The following LRP8 variants were observed in gnomAD, a reference collection of about 807,000 sequenced individuals.
LRP8 encodes low-density lipoprotein receptor-related protein 8.
A neutral mutation model predicts 111.6 loss-of-function variants in LRP8; 46 were observed. The observed-to-expected ratio is 0.41, with a 90% confidence interval of 0.33 to 0.53. The LOEUF (loss-of-function observed/expected upper bound fraction) is 0.53. Ranked by LOEUF, LRP8 falls within the 20% of genes least tolerant of loss-of-function variation. The probability of loss-of-function intolerance (pLI) is 0.20; values close to 1 mark genes in which losing one functional copy is unlikely to be tolerated. For synonymous variants in LRP8, 464 were observed against 511.2 expected (o/e 0.91, Z 1.24); for missense variants, 959 against 1,297.4 (o/e 0.74, Z 4.01).
chr1:53,327,298 G>A, intron 1 of LRP8: 1 of 346,922 alleles, frequency 2.9e-6, no homozygotes. Context: ...CTCAGATACA[G>A]CCCATAGGGA....
At chr1:53,258,768 C>T (rs528760374) in intron 13 of LRP8, among the ~76,000 whole-genome samples, 133 of 151,704 alleles carry the variant, frequency 8.8e-4, no homozygotes, top group African/African-American at 2.8e-3. Flanking sequence ...TCTCTAGCCC[C>T]GCTATTACCT....
rs1647026812 is a variant in LRP8 at position 53,279,127 on chromosome 1, G to A, written c.496+1460C>T. Among the ~76,000 whole-genome samples the A allele has an allele frequency of 6.6e-6, 1 of 152,012 alleles. No homozygotes were observed. Among genetic ancestry groups the A allele is most frequent in the Non-Finnish European group, 1.5e-5 (1 of 68,004 alleles). On this transcript the variant is annotated intron_variant, in intron 4 of 18. Transcript: ENST00000306052. The surrounding 1 kb of genome is among the most constrained non-coding windows in gnomAD (Gnocchi z 4.4). ...CTTCTTCATACTGAGTTTTCTCTGA[G>A]GTTTTGGAGCCAACAGTAACTTTAA...
chr1:53,326,907 A>C lies in LRP8; in HGVS notation c.210T>G (p.Asp70Glu), dbSNP rs1305040910. The change falls in exon 2 of 19, where the codon GAT becomes GAG. Residue 70 changes from aspartate (D) to glutamate (E), a missense_variant. This residue lies in a region of LRP8 where 97 missense variants were observed against 107.5 expected (regional missense o/e 0.90). Coordinates refer to ENST00000306052, the MANE Select transcript of LRP8 (RefSeq NM_004631.5). ...CCTCGTCGCTGTGGTCTAAGCAGTC[A>C]TCGTCCTCGTCGCATCTCCACACAG... The part of the protein sequence containing the change: ...IPSVWRCDED[D>E]DCLDHSDEDD... 6.2e-7 allele frequency: 1 copy of C among 1,613,876 alleles called. No individual in the cohort carries two copies. Among genetic ancestry groups the C allele is most frequent in the South Asian group, 1.1e-5 (1 of 91,078 alleles).
chr1:53,291,981 A>G (rs919579918), intron 2 of LRP8: 4 of 152,144 alleles, frequency 2.6e-5, no homozygotes, highest in African/African-American at 9.7e-5. Flanking sequence ...AGTGCGGGAC[A>G]CTGAGCTAAA....
Position 53,262,594 on chromosome 1 carries a change from C to T in LRP8, c.1656-30G>A. 1 of 1,571,768 alleles carries T rather than the reference C, an allele frequency of 6.4e-7. No homozygotes were observed. The highest frequency in any genetic ancestry group is 8.8e-7 in the Non-Finnish European group (1 of 1,141,872). ...AAGACAAAATAACCCAATTTGCCTT[C>T]TTGCTGGGGACATGACCGGGGTGGT... On this transcript the variant is annotated intron_variant, in intron 10 of 18. Transcript: ENST00000306052. The surrounding 1 kb of genome is among the most constrained non-coding windows in gnomAD (Gnocchi z 4.8).
chr1:53,326,326 C>G (rs6691468), intron 2 of LRP8, among the ~76,000 whole-genome samples: 32,407 of 152,184 alleles, frequency 0.21, 4,521 homozygotes, highest in African/African-American at 0.38. Context: ...CCAGGGAACC[C>G]GAATACTACA....
At position 53,302,697 on chromosome 1, in the gene LRP8, C is replaced by CTTT. The variant is rs35419399; in HGVS notation, c.245-13011_245-13009dup. On this transcript the variant is annotated intron_variant, in intron 2 of 18. Coordinates refer to ENST00000306052, the MANE Select transcript of LRP8 (RefSeq NM_004631.5). The stretch of plus-strand genomic sequence containing the variant: ...CATATGACCTTGGGCCAATCAATGC[C>CTTT]TTTTTTTTTTTTTTGGAGACAGGGT... Among the ~76,000 whole-genome samples the CTTT allele has an allele frequency of 2.4e-3, 342 of 141,788 alleles. 1 individual carries two copies. Among genetic ancestry groups the CTTT allele is most frequent in the African/African-American group, 5.3e-3 (201 of 38,144 alleles). 93.0% of individuals were successfully genotyped at this position (141,788 alleles called of 152,430 possible). A position where few individuals can be genotyped will look rare whatever the true frequency, so the allele number is the denominator to read the frequency against.
At chr1:53,271,202 T>C in intron 7 of LRP8, 25 bp downstream of exon 7, 7 of 1,613,864 alleles carry the variant, frequency 4.3e-6, no homozygotes, top group South Asian at 2.2e-5. Flanking sequence ...CTGCTTCTGC[T>C]TGGGGGTGTG....
Position 53,266,718 on chromosome 1 carries a change from C to A in LRP8, c.1253-71G>T, listed in dbSNP as rs1572482350. 7.1e-7 allele frequency: 1 copy of A among 1,414,836 alleles called. No individual in the cohort carries two copies. The highest frequency in any genetic ancestry group is 2.3e-5 in the East Asian group (1 of 43,460). The allele number at this position is 1,414,836 out of a possible 1,614,324, so 87.6% of individuals were successfully genotyped here. On this transcript the variant is annotated intron_variant, in intron 8 of 18. Coordinates refer to ENST00000306052, the MANE Select transcript of LRP8 (RefSeq NM_004631.5). This position sits in a 1 kb window ranked among gnomAD's most constrained non-coding sequence, Gnocchi z 5.0. Reference sequence around the variant, plus strand: ...AGGGAGCCTGGAGACCAAGACTCTGCCACTGGCTTGCTGGCTGACACATCC... The same window carrying A: ...AGGGAGCCTGGAGACCAAGACTCTGACACTGGCTTGCTGGCTGACACATCC...
chr1:53,255,919 G>C (rs1428488371), intron 15 of LRP8, among the ~76,000 whole-genome samples: 1 of 152,190 alleles, frequency 6.6e-6, no homozygotes, highest in Non-Finnish European at 1.5e-5. Context: ...ACTTTGCCTA[G>C]TTCTAAGAGG....
Position 53,277,955 on chromosome 1 carries a change from G to A in LRP8, c.497-877C>T, listed in dbSNP as rs187247379. ...TGGAACTGGTCTGGCCCAGGTATGAGGTATAATTATGGGATGTGCAGTAAT... is the reference window on the plus strand; with the variant it reads ...TGGAACTGGTCTGGCCCAGGTATGAAGTATAATTATGGGATGTGCAGTAAT... On this transcript the variant is annotated intron_variant, in intron 4 of 18. Transcript: ENST00000306052. Among the ~76,000 whole-genome samples the A allele has an allele frequency of 1.5e-3, 229 of 152,312 alleles. 1 individual carries two copies. The highest frequency in any genetic ancestry group is 2.4e-3 in the Non-Finnish European group (161 of 68,022).
Position 53,326,998 on chromosome 1 carries a change from AG to A in LRP8, c.125-7del, listed in dbSNP as rs770853946. ...TTCGCAATCCTTGGCCGGCCCTGCG[AG>A]GGGGAGGGAGCGTGAGCTGGATCAG... is the stretch of plus-strand genomic sequence containing the variant. On this transcript the variant is annotated splice_polypyrimidine_tract_variant and splice_region_variant and intron_variant, in intron 1 of 18. Transcript: ENST00000306052. The A allele has an allele frequency of 5.1e-5, 83 of 1,611,872 alleles. No individual in the cohort carries two copies. In the African/African-American group the frequency reaches 9.9e-4, roughly 19 times the overall value.
chr1:53,245,650 T>G lies in LRP8; in HGVS notation c.*1368A>C, dbSNP rs1645709274. ...TGCGTATGCCATTTCCCCCCTCAAA[T>G]ATGACTTCAATTTTGGCCAGTTGTT... On this transcript the variant is annotated 3_prime_UTR_variant, in exon 19 of 19. Transcript: ENST00000306052. 2.0e-5 allele frequency: 3 copies of G among 152,582 alleles called. No individual in the cohort carries two copies. Among genetic ancestry groups the G allele is most frequent in the Admixed American group, 2.0e-4 (3 of 15,272 alleles). The allele number at this position is 152,582 out of a possible 1,614,324, so 9.5% of individuals were successfully genotyped here.
chr1:53,263,997 T>C (rs1277139198), intron 10 of LRP8, among the ~76,000 whole-genome samples, 172 bp downstream of exon 10: 1 of 152,170 alleles, frequency 6.6e-6, no homozygotes, highest in Non-Finnish European at 1.5e-5. Context: ...GGGAGAACTT[T>C]GGTGACCAAT....
intron 3 of LRP8, among the ~76,000 whole-genome samples, chr1:53,288,855 G>A (rs116108171): frequency 9.3e-4 from 141 of 152,290 alleles, no homozygotes; most frequent in Middle Eastern, 6.8e-3. Flanking sequence ...ATGACCTGCC[G>A]GGTGTAAGTT....
At position 53,258,381 on chromosome 1, in the gene LRP8, T is replaced by C. The variant is rs1433703800; in HGVS notation, c.2147A>G (p.Lys716Arg). The change falls in exon 14 of 19, where the codon AAG becomes AGG. Residue 716 changes from lysine (K) to arginine (R), a missense_variant. Physicochemically the swap from Lys to Arg is conservative, Grantham distance 26. Coordinates refer to ENST00000306052, the MANE Select transcript of LRP8 (RefSeq NM_004631.5). The stretch of plus-strand genomic sequence containing the variant: ...TGTGTCAGGACAGGCACATGTGTAC[T>C]TGGGAGAGTGGCTGGAGATCTGAGG... The part of the protein sequence containing the change: ...PAPQISSHSP[K>R]YTCACPDTMW... 4.3e-6 allele frequency: 7 copies of C among 1,614,048 alleles called. No homozygotes were observed. In the East Asian group the frequency reaches 1.1e-4, roughly 26 times the overall value.
At chr1:53,298,280 C>T (rs553365914) in intron 2 of LRP8, among the ~76,000 whole-genome samples, 4 of 152,238 alleles carry the variant, frequency 2.6e-5, no homozygotes, top group Admixed American at 1.3e-4. Context: ...AGGGACAGAC[C>T]GACAAAGGCG....
At chr1:53,263,340 T>C (rs915427558) in intron 10 of LRP8, among the ~76,000 whole-genome samples, 23 of 152,206 alleles carry the variant, frequency 1.5e-4, no homozygotes, top group Admixed American at 2.6e-4. Flanking sequence ...TAACCTCCCA[T>C]GTGGTACTCC....
At chr1:53,307,341 A>C (rs149551321) in intron 2 of LRP8, 1 of 152,354 alleles carries the variant, frequency 6.6e-6, no homozygotes, top group African/African-American at 2.4e-5. Context: ...CCTTCTACAC[A>C]GCTGTCTGTG....
Sources: allele counts gnomAD v4.1 joint callset (sites outside exome capture counted in the v4.1 genomes callset), GRCh38; gene constraint gnomAD v4.1.1; regional missense constraint gnomAD v4.1.1; non-coding constraint Gnocchi (gnomAD v3.1); transcripts MANE v1.5; gene names NCBI Gene and HGNC (gene_info 2026-07-23, HGNC 2026-07-21).